The following MARCHF1 variants were observed in gnomAD, a reference collection of about 807,000 sequenced individuals.
MARCHF1 encodes the protein membrane associated ring-CH-type finger 1.
MARCHF1 carries 40 observed loss-of-function variants against 54.2 expected under a neutral mutation model. That is an observed-to-expected ratio of 0.74 (90% CI 0.57 to 0.96). MARCHF1 has a LOEUF of 0.96. Ranked by LOEUF, MARCHF1 falls within the 40% of genes least tolerant of loss-of-function variation. The probability of loss-of-function intolerance (pLI) is 0.00; values close to 1 mark genes in which losing one functional copy is unlikely to be tolerated. For synonymous variants in MARCHF1, 236 were observed against 236.3 expected (o/e 1.00, Z 0.01); for missense variants, 586 against 656.5 (o/e 0.89, Z 1.17).
At chr4:164,243,289 A>G (rs1366372672) in intron 1 of MARCHF1, among the ~76,000 whole-genome samples, 1 of 142,250 alleles carries the variant, frequency 7.0e-6, no homozygotes. Context: ...CTCGGCAGAA[A>G]CCCTACAAGC....
intron 9 of MARCHF1, among the ~76,000 whole-genome samples, chr4:163,539,940 T>G (rs1738669868): frequency 1.3e-5 from 2 of 152,180 alleles, no homozygotes; most frequent in African/African-American, 2.4e-5. Flanking sequence ...TATATTTCCT[T>G]TGGTAATAGA....
chr4:163,612,255 C>A lies in MARCHF1; in HGVS notation c.1010+16G>T. On this transcript the variant is annotated intron_variant, in intron 7 of 9. Transcript: ENST00000514618. ...TATATATGGATGACATCAAGCCTTTCTCTACAGTGACTGACCTGCATACTT... is the reference window on the plus strand; with the variant it reads ...TATATATGGATGACATCAAGCCTTTATCTACAGTGACTGACCTGCATACTT... 6.8e-7 allele frequency: 1 copy of A among 1,470,354 alleles called. No homozygotes were observed. The highest frequency in any genetic ancestry group is 8.9e-7 in the Non-Finnish European group (1 of 1,120,418). 91.1% of individuals were successfully genotyped at this position (1,470,354 alleles called of 1,614,324 possible). A position where few individuals can be genotyped will look rare whatever the true frequency, so the allele number is the denominator to read the frequency against.
chr4:163,693,961 G>A (rs1313558967), intron 5 of MARCHF1, among the ~76,000 whole-genome samples: 1 of 152,130 alleles, frequency 6.6e-6, no homozygotes, highest in Non-Finnish European at 1.5e-5. Flanking sequence ...AGGTTCAAAG[G>A]TCAGAGACAC....
intron 4 of MARCHF1, among the ~76,000 whole-genome samples, chr4:163,812,400 T>C (rs1414980901): frequency 1.3e-5 from 2 of 151,996 alleles, no homozygotes; most frequent in Non-Finnish European, 2.9e-5. Flanking sequence ...ACTAATACAT[T>C]CAGGTAGTTT....
intron 4 of MARCHF1, among the ~76,000 whole-genome samples, chr4:163,754,661 C>T (rs112692926): frequency 4.3e-4 from 65 of 152,236 alleles, no homozygotes; most frequent in African/African-American, 1.5e-3. Flanking sequence ...CAAGACCACG[C>T]TAAGCCTCAA....
At chr4:164,210,488 C>T (rs946029904) in intron 1 of MARCHF1, among the ~76,000 whole-genome samples, 3 of 152,006 alleles carry the variant, frequency 2.0e-5, no homozygotes, top group African/African-American at 7.2e-5. Flanking sequence ...TTTGAGATGC[C>T]TGTATGTTAC....
At chr4:164,005,286 A>G (rs970824906) in intron 2 of MARCHF1, among the ~76,000 whole-genome samples, 2 of 152,216 alleles carry the variant, frequency 1.3e-5, no homozygotes, top group Non-Finnish European at 2.9e-5. Flanking sequence ...TAATTTTAAT[A>G]CCGCAATTAA....
chr4:164,234,098 A>T (rs549597028), intron 1 of MARCHF1, among the ~76,000 whole-genome samples: 1 of 152,254 alleles, frequency 6.6e-6, no homozygotes, highest in Admixed American at 6.5e-5. Context: ...TTGAATTAAG[A>T]TGAAATAGAG....
At chr4:163,918,795 A>C (rs955501675) in intron 3 of MARCHF1, among the ~76,000 whole-genome samples, 8 of 152,110 alleles carry the variant, frequency 5.3e-5, no homozygotes, top group Admixed American at 2.6e-4. Flanking sequence ...GGAGCAAAAA[A>C]AATGCATTAT....
At chr4:163,555,389 T>C (rs1209774241) in intron 8 of MARCHF1, among the ~76,000 whole-genome samples, 1 of 152,200 alleles carries the variant, frequency 6.6e-6, no homozygotes, top group Non-Finnish European at 1.5e-5. Context: ...ACAGAGTGAA[T>C]ATACTTTCAC....
At chr4:163,796,204 G>C (rs1333847477) in intron 4 of MARCHF1, among the ~76,000 whole-genome samples, 2 of 144,160 alleles carry the variant, frequency 1.4e-5, no homozygotes, top group South Asian at 2.3e-4. Flanking sequence ...TATACTTCCA[G>C]AAAAGTGAAA....
chr4:163,744,077 A>G (rs903013142), intron 4 of MARCHF1, among the ~76,000 whole-genome samples: 8 of 152,180 alleles, frequency 5.3e-5, no homozygotes, highest in Non-Finnish European at 1.0e-4. Flanking sequence ...TTTTCAAATC[A>G]GTTTCTATTC....
intron 5 of MARCHF1, among the ~76,000 whole-genome samples, chr4:163,629,552 C>A (rs2110986019): frequency 6.6e-6 from 1 of 152,246 alleles, no homozygotes; most frequent in East Asian, 1.9e-4. Flanking sequence ...CGAAAATTGA[C>A]AAATGGGATC....
intron 5 of MARCHF1, among the ~76,000 whole-genome samples, chr4:163,679,107 C>A (rs1744011791): frequency 3.3e-5 from 5 of 152,190 alleles, no homozygotes; most frequent in Non-Finnish European, 5.9e-5. Context: ...ATTTGGCTCT[C>A]AAAACATCCA....
intron 5 of MARCHF1, among the ~76,000 whole-genome samples, chr4:163,676,527 G>T (rs927088529): frequency 2.1e-4 from 32 of 152,130 alleles, no homozygotes; most frequent in Admixed American, 1.9e-3. Context: ...CAAGAGGATT[G>T]CTGGAGGCCA....
In MARCHF1 at chr4:164,109,926, A is replaced by AG. The variant is rs1258921965; in HGVS notation, c.-248+1661_-248+1662insC. Among the ~76,000 whole-genome samples, 4 of 149,540 alleles carry AG rather than the reference A, an allele frequency of 2.7e-5. No individual in the cohort carries two copies. In the East Asian group the frequency reaches 7.7e-4, roughly 29 times the overall value. ...TAAAATAAAAGTAAAAAAAAAAAAA[A>AG]AAAAAAAAAAGAAAATGTAAATTCA... On this transcript the variant is annotated intron_variant, in intron 2 of 9. Transcript: ENST00000514618.
chr4:163,588,633 C>T (rs1386034637), intron 7 of MARCHF1, among the ~76,000 whole-genome samples: 6 of 152,102 alleles, frequency 3.9e-5, no homozygotes, highest in African/African-American at 1.2e-4. Context: ...TAAACTAACA[C>T]CCAATTCTGT....
At chr4:163,577,156 T>G (rs1740067826) in intron 8 of MARCHF1, among the ~76,000 whole-genome samples, 1 of 151,966 alleles carries the variant, frequency 6.6e-6, no homozygotes, top group African/African-American at 2.4e-5. Context: ...TTATAGGGTC[T>G]GTTTTGTAGG....
intron 1 of MARCHF1, among the ~76,000 whole-genome samples, chr4:164,148,503 A>G (rs930312529): frequency 1.3e-5 from 2 of 151,856 alleles, no homozygotes; most frequent in African/African-American, 4.8e-5. Flanking sequence ...TTCTTTATTC[A>G]TACTTTGCTT....
Sources: gnomAD v4.1 joint callset for allele counts (sites outside exome capture counted in the v4.1 genomes callset) on GRCh38, gnomAD v4.1.1 for gene constraint, MANE v1.5 for transcripts, NCBI Gene and HGNC (gene_info 2026-07-23, HGNC 2026-07-21) for gene names.